The following ZMAT4 variants were observed in gnomAD, a reference collection of about 807,000 sequenced individuals.
ZMAT4 encodes zinc finger matrin-type 4.
A neutral mutation model predicts 28.7 loss-of-function variants in ZMAT4; 17 were observed. That is an observed-to-expected ratio of 0.59 (90% confidence interval 0.41 to 0.89). The LOEUF (loss-of-function observed/expected upper bound fraction) is 0.89. ZMAT4 is among the 40% of genes least tolerant of loss of function. ZMAT4 has a pLI of 0.00. For synonymous variants in ZMAT4, 117 were observed against 109.2 expected, an observed-to-expected ratio of 1.07 and a Z score of -0.44; for missense variants, 240 against 283.8, an observed-to-expected ratio of 0.85 and a Z score of 1.11.
At position 40,701,954 on chromosome 8, in the gene ZMAT4, G is replaced by A. The variant is rs565085688; in HGVS notation, c.193-4553C>T. Among the ~76,000 whole-genome samples, 40 of 152,308 alleles carry A rather than the reference G, an allele frequency of 2.6e-4. No homozygotes were observed. In the East Asian group the frequency reaches 4.2e-3, roughly 16 times the overall value. On this transcript the variant is annotated intron_variant, in intron 3 of 6. Coordinates refer to ENST00000297737, the MANE Select transcript of ZMAT4 (RefSeq NM_024645.3). ...AATCCCCAATGCAACAGTGTTGAGA[G>A]ATGGGACCTTTAAGAAGGCTGAGCC...
chr8:40,698,182 T>C (rs28550798), intron 3 of ZMAT4, among the ~76,000 whole-genome samples: 23,269 of 152,114 alleles, frequency 0.15, 2,560 homozygotes, highest in East Asian at 0.37. Context: ...GGAGAGTTTG[T>C]GTAATTTTCC....
intron 2 of ZMAT4, among the ~76,000 whole-genome samples, chr8:40,811,586 G>A (rs572984990): frequency 1.3e-5 from 2 of 152,304 alleles, no homozygotes; most frequent in Admixed American, 1.3e-4. Flanking sequence ...TTTCCTTAGG[G>A]AATCTGTTAA....
intron 5 of ZMAT4, among the ~76,000 whole-genome samples, chr8:40,640,679 G>A (rs1806981103): frequency 6.6e-6 from 1 of 152,000 alleles, no homozygotes; most frequent in African/African-American, 2.4e-5. Context: ...AAAGTATAGA[G>A]GCCAGGCATG....
intron 2 of ZMAT4, among the ~76,000 whole-genome samples, chr8:40,781,630 C>T (rs373646275): frequency 6.7e-6 from 1 of 148,718 alleles, no homozygotes. Context: ...GGCGTAGTGG[C>T]GGGCGCCTGT....
intron 2 of ZMAT4, among the ~76,000 whole-genome samples, chr8:40,805,957 A>G (rs1056775182): frequency 6.6e-6 from 1 of 152,026 alleles, no homozygotes; most frequent in Non-Finnish European, 1.5e-5. Context: ...AAAAGTTTTC[A>G]CAAGAACAAA....
At chr8:40,829,818 T>A (rs542981813) in intron 1 of ZMAT4, among the ~76,000 whole-genome samples, 12 of 152,184 alleles carry the variant, frequency 7.9e-5, no homozygotes, top group Admixed American at 7.2e-4. Context: ...TGGAGAGAAA[T>A]GAGTTCCAAC....
chr8:40,751,577 A>G lies in ZMAT4; in HGVS notation c.192+16064T>C, dbSNP rs542702840. ...CCTCCCACCAGGTCCCACTTCCGAC[A>G]CTGGGAATTACATTTCAACCTGAGA... is the stretch of plus-strand genomic sequence containing the variant. On this transcript the variant is annotated intron_variant, in intron 3 of 6. Coordinates refer to ENST00000297737, the MANE Select transcript of ZMAT4 (RefSeq NM_024645.3). Among the ~76,000 whole-genome samples, 214 of 152,194 alleles carry G rather than the reference A, an allele frequency of 1.4e-3. 2 individuals are homozygous for G. The highest frequency in any genetic ancestry group is 2.5e-4 in the Non-Finnish European group (17 of 68,008).
intron 2 of ZMAT4, among the ~76,000 whole-genome samples, chr8:40,799,391 G>A (rs147059617): frequency 0.018 from 2,707 of 152,140 alleles, 234 homozygotes; most frequent in Admixed American, 0.15. Context: ...TTCCCTTTCC[G>A]TTCTGATATG....
intron 3 of ZMAT4, among the ~76,000 whole-genome samples, chr8:40,703,729 GT>G (rs1436578678): frequency 6.6e-6 from 1 of 152,134 alleles, no homozygotes; most frequent in African/African-American, 2.4e-5. Context: ...AAATAGGTGA[GT>G]TTTGTGACAT....
chr8:40,596,171 T>C (rs888433422), intron 5 of ZMAT4, among the ~76,000 whole-genome samples: 2 of 152,150 alleles, frequency 1.3e-5, no homozygotes, highest in African/African-American at 4.8e-5. Flanking sequence ...CTACTGTAAT[T>C]GAAGCTTGCA....
chr8:40,731,470 T>A (rs568115006), intron 3 of ZMAT4, among the ~76,000 whole-genome samples: 12 of 151,826 alleles, frequency 7.9e-5, no homozygotes, highest in South Asian at 6.3e-4. Context: ...ACAGCAAACC[T>A]AAGGGAAGAA....
At chr8:40,683,544 T>C (rs1185214092) in intron 4 of ZMAT4, among the ~76,000 whole-genome samples, 2 of 152,206 alleles carry the variant, frequency 1.3e-5, no homozygotes, top group African/African-American at 4.8e-5. Flanking sequence ...AGTTTCAACT[T>C]AGATGCTACA....
At chr8:40,535,954 C>T (rs924336504) in intron 6 of ZMAT4, among the ~76,000 whole-genome samples, 38 of 152,222 alleles carry the variant, frequency 2.5e-4, no homozygotes, top group African/African-American at 6.7e-4. Context: ...TGAAATGATA[C>T]GGCCAGAGTT....
intron 1 of ZMAT4, among the ~76,000 whole-genome samples, chr8:40,859,784 T>C (rs568784626): frequency 1.3e-5 from 2 of 151,666 alleles, no homozygotes; most frequent in African/African-American, 2.4e-5. Flanking sequence ...AGTTAGGTCA[T>C]GAGGGGTGAG....
intron 2 of ZMAT4, among the ~76,000 whole-genome samples, chr8:40,810,575 C>T (rs920107059): frequency 3.9e-5 from 6 of 152,076 alleles, no homozygotes; most frequent in African/African-American, 1.4e-4. Context: ...AGGTAAGCTC[C>T]AAACAGAGTT....
intron 2 of ZMAT4, among the ~76,000 whole-genome samples, chr8:40,814,616 C>T (rs1396805317): frequency 1.3e-5 from 2 of 152,042 alleles, no homozygotes; most frequent in Non-Finnish European, 1.5e-5. Flanking sequence ...ATCTATGCCA[C>T]AATTAAGACA....
intron 3 of ZMAT4, among the ~76,000 whole-genome samples, chr8:40,733,269 T>C (rs1811622109): frequency 6.6e-6 from 1 of 152,142 alleles, no homozygotes; most frequent in Non-Finnish European, 1.5e-5. Flanking sequence ...GACCCATTCT[T>C]GGTCTTTCAT....
At chr8:40,566,072 A>C (rs1803915117) in intron 6 of ZMAT4, among the ~76,000 whole-genome samples, 1 of 152,172 alleles carries the variant, frequency 6.6e-6, no homozygotes, top group Non-Finnish European at 1.5e-5. Context: ...TGTGATTCAG[A>C]GCCTAGCACA....
intron 3 of ZMAT4, among the ~76,000 whole-genome samples, chr8:40,716,210 T>G (rs1024728770): frequency 1.3e-5 from 2 of 152,138 alleles, no homozygotes; most frequent in African/African-American, 4.8e-5. Flanking sequence ...GGTACCCGGA[T>G]TTGCAGCATC....
Sources: allele counts gnomAD v4.1 joint callset (sites outside exome capture counted in the v4.1 genomes callset), GRCh38; gene constraint gnomAD v4.1.1; transcripts MANE v1.5; gene names NCBI Gene and HGNC (gene_info 2026-07-23, HGNC 2026-07-21).